Variants in MGMT observed in about 807,000 individuals in gnomAD.
MGMT encodes the protein O-6-methylguanine-DNA methyltransferase.
MGMT carries 14 observed loss-of-function variants against 15.9 expected under a neutral mutation model. That is an observed-to-expected ratio of 0.88 (90% confidence interval 0.58 to 1.37). The LOEUF is 1.37. Ranked by LOEUF, MGMT falls within the 40% of genes most tolerant of loss-of-function variation. The probability of loss-of-function intolerance (pLI) is 0.00; values close to 1 mark genes in which losing one functional copy is unlikely to be tolerated. For missense variants in MGMT, 282 were observed against 268.1 expected (o/e 1.05, Z -0.36); for synonymous variants, 130 against 118.2 (o/e 1.10, Z -0.65).
chr10:129,568,558 G>C (rs1215319360), intron 2 of MGMT, among the ~76,000 whole-genome samples: 1 of 152,188 alleles, frequency 6.6e-6, no homozygotes, highest in African/African-American at 2.4e-5. Flanking sequence ...GAATTTCTGA[G>C]GTGCTTGGGA....
intron 3 of MGMT, among the ~76,000 whole-genome samples, chr10:129,725,402 A>G (rs763493918): frequency 1.2e-4 from 19 of 152,234 alleles, no homozygotes; most frequent in Non-Finnish European, 2.2e-4. Flanking sequence ...GGATCAAATG[A>G]TGAAGGCAGA....
intron 2 of MGMT, among the ~76,000 whole-genome samples, chr10:129,588,213 A>G (rs925147653): frequency 6.6e-6 from 1 of 152,022 alleles, no homozygotes; most frequent in African/African-American, 2.4e-5. Flanking sequence ...CTTGAAAGAG[A>G]CTCGCAGCCT....
intron 1 of MGMT, among the ~76,000 whole-genome samples, chr10:129,508,475 G>A (rs1845647146): frequency 6.6e-6 from 1 of 151,820 alleles, no homozygotes; most frequent in South Asian, 2.1e-4. Context: ...AGGTAAATGG[G>A]TGCTGACCTC....
chr10:129,688,062 G>A (rs1340073198), intron 2 of MGMT, among the ~76,000 whole-genome samples: 1 of 152,202 alleles, frequency 6.6e-6, no homozygotes, highest in Non-Finnish European at 1.5e-5. Flanking sequence ...ATTCCATGGT[G>A]TATATGTGCC....
At chr10:129,716,419 G>GT (rs1467093566) in intron 3 of MGMT, among the ~76,000 whole-genome samples, 1 of 152,210 alleles carries the variant, frequency 6.6e-6, no homozygotes, top group African/African-American at 2.4e-5. Flanking sequence ...GTGGATGTGT[G>GT]TGCCCACACT....
chr10:129,603,311 T>G (rs754159702), intron 2 of MGMT, among the ~76,000 whole-genome samples: 1 of 152,232 alleles, frequency 6.6e-6, no homozygotes, highest in Non-Finnish European at 1.5e-5. Flanking sequence ...AAATGTACCA[T>G]ATGCTCAGCC....
At chr10:129,670,536 G>A (rs12762313) in intron 2 of MGMT, among the ~76,000 whole-genome samples, 18,646 of 152,074 alleles carry the variant, frequency 0.12, 1,570 homozygotes, top group East Asian at 0.19. Context: ...TAATGTAATG[G>A]AAATAAAAAA....
intron 2 of MGMT, among the ~76,000 whole-genome samples, chr10:129,616,849 T>C (rs2133072441): frequency 6.6e-6 from 1 of 152,182 alleles, no homozygotes; most frequent in South Asian, 2.1e-4. Flanking sequence ...GGGAGTGTGC[T>C]CTTCATTCTC....
At chr10:129,526,939 A>G (rs1000757105) in intron 1 of MGMT, among the ~76,000 whole-genome samples, 3 of 152,240 alleles carry the variant, frequency 2.0e-5, no homozygotes, top group East Asian at 3.8e-4. Context: ...AGATGAAACG[A>G]AATTCATTTT....
At chr10:129,539,954 C>T (rs961840738) in intron 2 of MGMT, among the ~76,000 whole-genome samples, 4 of 152,046 alleles carry the variant, frequency 2.6e-5, no homozygotes, top group Non-Finnish European at 5.9e-5. Context: ...TTTTGGATTT[C>T]GACTGGGAGT....
chr10:129,610,488 C>T (rs989439243), intron 2 of MGMT, among the ~76,000 whole-genome samples: 1 of 152,254 alleles, frequency 6.6e-6, no homozygotes, highest in Admixed American at 6.5e-5. Flanking sequence ...TGGCTGGCCC[C>T]TTGTTTTCTT....
At chr10:129,576,329 T>G (rs1031116009) in intron 2 of MGMT, among the ~76,000 whole-genome samples, 11 of 152,168 alleles carry the variant, frequency 7.2e-5, no homozygotes, top group East Asian at 3.9e-4. Flanking sequence ...TCAAAAAGCT[T>G]ATCCACCATG....
chr10:129,478,233 A>AT (rs11331521), intron 1 of MGMT, among the ~76,000 whole-genome samples: 36,658 of 151,998 alleles, frequency 0.24, 4,725 homozygotes, highest in Non-Finnish European at 0.27. Context: ...TGGTTGGTTG[A>AT]TTTTTTCCCC....
chr10:129,647,435 A>T (rs1191687786), intron 2 of MGMT, among the ~76,000 whole-genome samples: 3 of 152,198 alleles, frequency 2.0e-5, no homozygotes, highest in Admixed American at 2.0e-4. Flanking sequence ...TGTGTGTGTC[A>T]CTTAGGAAAT....
At chr10:129,581,543 G>A (rs564314809) in intron 2 of MGMT, among the ~76,000 whole-genome samples, 1 of 152,328 alleles carries the variant, frequency 6.6e-6, no homozygotes, top group Non-Finnish European at 1.5e-5. Context: ...TAGAGATGAT[G>A]CAGGAACTCT....
intron 1 of MGMT, among the ~76,000 whole-genome samples, chr10:129,524,662 G>C (rs1845849611): frequency 7.5e-6 from 1 of 134,104 alleles, no homozygotes; most frequent in South Asian, 2.5e-4. Flanking sequence ...CGTGATCTCA[G>C]CTCACTGCAA....
chr10:129,645,675 G>T (rs558419682), intron 2 of MGMT, among the ~76,000 whole-genome samples: 1 of 152,314 alleles, frequency 6.6e-6, no homozygotes, highest in East Asian at 1.9e-4. Flanking sequence ...CTCCAATCCG[G>T]ACTCAGCATT....
At position 129,768,790 on chromosome 10, in the gene MGMT, G is replaced by A. The variant is rs1323847990; in HGVS notation, c.*1793G>A. On this transcript the variant is annotated 3_prime_UTR_variant, in exon 5 of 5. Coordinates refer to ENST00000651593, the MANE Select transcript of MGMT (RefSeq NM_002412.5). Reference sequence around the variant, plus strand: ...CCTGCTGGAGGATGGATTTGAAGGAGGGTGGCTGGGCGGCACCCCGATGGC... The same window carrying A: ...CCTGCTGGAGGATGGATTTGAAGGAAGGTGGCTGGGCGGCACCCCGATGGC... The A allele has an allele frequency of 6.6e-6, 1 of 152,462 alleles. No individual in the cohort carries two copies. The highest frequency in any genetic ancestry group is 2.1e-4 in the South Asian group (1 of 4,838). The allele number at this position is 152,462 out of a possible 1,614,324, so 9.4% of individuals were successfully genotyped here.
chr10:129,595,117 G>A (rs1205399755), intron 2 of MGMT, among the ~76,000 whole-genome samples: 4 of 152,302 alleles, frequency 2.6e-5, no homozygotes, highest in South Asian at 2.1e-4. Flanking sequence ...ATATATGAAT[G>A]ATGTCATTTG....
Sources: allele counts gnomAD v4.1 joint callset (sites outside exome capture counted in the v4.1 genomes callset), GRCh38; gene constraint gnomAD v4.1.1; transcripts MANE v1.5; gene names NCBI Gene and HGNC (gene_info 2026-07-23, HGNC 2026-07-21).